Variants in TDRD1 observed in about 807,000 individuals in gnomAD.
TDRD1 encodes the protein tudor domain containing 1.
Under a neutral mutation model 140.6 loss-of-function variants are expected in TDRD1, and 37 were observed. The observed-to-expected ratio is 0.26, with a 90% CI of 0.20 to 0.35. The LOEUF is 0.35. Among genes scored for constraint, TDRD1 ranks in the 10% least tolerant of loss-of-function variants. The pLI is 1.00. For synonymous variants in TDRD1, 506 were observed against 475.7 expected (o/e 1.06, Z -0.83); for missense variants, 1,243 against 1,393.0 (o/e 0.89, Z 1.71).
chr10:114,220,671 A>G, exon 19 of TDRD1: 1 of 1,613,838 alleles, frequency 6.2e-7, no homozygotes, highest in Non-Finnish European at 8.5e-7. Flanking sequence ...AAGTCACTGA[A>G]AATGGGATAG....
intron 25 of TDRD1, among the ~76,000 whole-genome samples, chr10:114,230,859 G>A (rs755666315): frequency 6.6e-6 from 1 of 152,116 alleles, no homozygotes; most frequent in African/African-American, 2.4e-5. Flanking sequence ...AGGCCCAGGA[G>A]TTTGAGACCA....
chr10:114,192,292 C>CTTTTTTTTTTTTTTTTTTTT (rs938140798), intron 3 of TDRD1, among the ~76,000 whole-genome samples: 3 of 75,114 alleles, frequency 4.0e-5, no homozygotes, highest in Non-Finnish European at 2.5e-5. Context: ...GATAGTTTTC[C>CTTTTTTTTTTTTTTTTTTTT]TTTTTTTTTT....
At chr10:114,211,898 G>T in exon 14 of TDRD1, 1 of 1,589,276 alleles carries the variant, frequency 6.3e-7, no homozygotes, top group South Asian at 1.2e-5. Flanking sequence ...CTCTGTTTTG[G>T]CTTACGCTTC....
chr10:114,177,435 T>C (rs1364400676), upstream of TDRD1, among the ~76,000 whole-genome samples: 1 of 152,218 alleles, frequency 6.6e-6, no homozygotes, highest in Non-Finnish European at 1.5e-5. Context: ...GTGGTCTTCC[T>C]TCCAATAACC....
intron 16 of TDRD1, 69 bp from the exon 17 acceptor site, chr10:114,217,474 CTT>C: frequency 1.2e-6 from 1 of 837,296 alleles, no homozygotes; most frequent in Non-Finnish European, 1.9e-6. Flanking sequence ...CGTTTTCTGA[CTT>C]TAAAGGAAAA....
chr10:114,206,374 T>G, intron 11 of TDRD1, 44 bp downstream of exon 11: 1 of 1,517,516 alleles, frequency 6.6e-7, no homozygotes, highest in East Asian at 2.3e-5. Context: ...CTTCAGTTAT[T>G]GAAGACCATC....
chr10:114,221,529 C>T lies in TDRD1; in HGVS notation c.2890+53C>T, dbSNP rs191491048. On this transcript the variant is annotated intron_variant, in intron 20 of 25. Coordinates refer to ENST00000251864, the Ensembl canonical transcript of TDRD1. The stretch of plus-strand genomic sequence containing the variant: ...TATGCTCATCTTTTAAACTGTAAAA[C>T]GAAAGTGCTGGTCTTGAATTCCTTT... The T allele has an allele frequency of 6.3e-5, 97 of 1,545,038 alleles. No homozygotes were observed. The Admixed American group carries it at 7.2e-4, about 11-fold the overall frequency.
intron 15 of TDRD1, 76 bp downstream of exon 15, chr10:114,213,664 A>T: frequency 1.5e-6 from 2 of 1,306,556 alleles, no homozygotes; most frequent in South Asian, 2.8e-5. Context: ...TCTTGTACTT[A>T]TAAAAAGAAT....
rs138818268 is a variant in TDRD1 at position 114,187,830 on chromosome 10, C to T, written c.-2C>T. On this transcript the variant is annotated 5_prime_UTR_variant, in exon 2 of 26. Coordinates refer to ENST00000251864, the Ensembl canonical transcript of TDRD1. ...TAAATACATTTCTCTCCTTAGGCCT[C>T]GATGAGTGTTAAATCGCCATTTAAT... The T allele has an allele frequency of 1.2e-3, 1,897 of 1,567,944 alleles. 24 individuals carry two copies. In the African/African-American group the frequency reaches 0.022, roughly 18 times the overall value.
At chr10:114,175,739 A>G (rs117133334), upstream of TDRD1, among the ~76,000 whole-genome samples, 2,857 of 152,326 alleles carry the variant, frequency 0.019, 48 homozygotes, top group Non-Finnish European at 0.027. Flanking sequence ...AGGCAGTTCA[A>G]AGATGCCCCA....
chr10:114,215,933 A>G (rs1009477249), intron 16 of TDRD1, among the ~76,000 whole-genome samples: 3 of 152,176 alleles, frequency 2.0e-5, no homozygotes, highest in African/African-American at 7.2e-5. Context: ...CCTTTTCTAT[A>G]TCTATCAACA....
At chr10:114,203,451 T>C in exon 8 of TDRD1, 1 of 1,614,028 alleles carries the variant, frequency 6.2e-7, no homozygotes, top group Non-Finnish European at 8.5e-7. Context: ...TTCAGAAGTT[T>C]TAGAATACAT....
chr10:114,195,357 G>A (rs1309657229), intron 3 of TDRD1, among the ~76,000 whole-genome samples: 1 of 152,058 alleles, frequency 6.6e-6, no homozygotes. Context: ...AGCTCCTGTT[G>A]GTTGGTTATG....
At chr10:114,207,710 A>G (rs1302771916) in intron 11 of TDRD1, among the ~76,000 whole-genome samples, 2 of 152,068 alleles carry the variant, frequency 1.3e-5, no homozygotes, top group Admixed American at 6.6e-5. Context: ...TATAATGGGA[A>G]AGGTGGGAAC....
At chr10:114,184,336 A>G (rs1471414099) in intron 1 of TDRD1, among the ~76,000 whole-genome samples, 1 of 152,174 alleles carries the variant, frequency 6.6e-6, no homozygotes, top group Admixed American at 6.5e-5. Context: ...GTCTCTGCAT[A>G]GGCAAACCAG....
intron 3 of TDRD1, among the ~76,000 whole-genome samples, chr10:114,198,639 G>T (rs2034528477): frequency 6.6e-6 from 1 of 152,116 alleles, no homozygotes; most frequent in Non-Finnish European, 1.5e-5. Context: ...AGCAGAGCAG[G>T]TTTTAAATTT....
At chr10:114,228,263 T>G in intron 25 of TDRD1, 1 of 1,428,716 alleles carries the variant, frequency 7.0e-7, no homozygotes, top group Non-Finnish European at 9.2e-7. Context: ...ACCTGAGGTT[T>G]GGTCATAATG....
chr10:114,220,744 G>T lies in TDRD1; in HGVS notation c.2671G>T (p.Glu891Ter). 1 of 1,612,712 alleles carries T rather than the reference G, an allele frequency of 6.2e-7. No homozygotes were observed. The highest frequency in any genetic ancestry group is 1.1e-5 in the South Asian group (1 of 91,052). Residue 891 changes from glutamate (E) to a stop codon, truncating the protein, a stop_gained, in exon 19 of 26, where the codon GAA (glutamate) becomes TAA (stop). Transcript: ENST00000251864. LOFTEE classifies it high-confidence loss of function. ...AATAATTAGTGATGTTCTGATTGATGAACATCTGGTTTTAAAATCTGCTTC... is the reference window on the plus strand; with the variant it reads ...AATAATTAGTGATGTTCTGATTGATTAACATCTGGTTTTAAAATCTGCTTC...
At position 114,220,849 on chromosome 10, in the gene TDRD1, A is replaced by G. The variant is rs528460879; in HGVS notation, c.2770+6A>G. The stretch of plus-strand genomic sequence containing the variant: ...TCATGTACAGGGACTTCAAGGTAAC[A>G]TTTTAAAACCATTTATTTGTTTAAA... On this transcript the variant is annotated splice_donor_region_variant and intron_variant, in intron 19 of 25. Coordinates refer to ENST00000251864, the Ensembl canonical transcript of TDRD1. The G allele has an allele frequency of 1.9e-6, 3 of 1,588,840 alleles. No individual in the cohort carries two copies. Among genetic ancestry groups the G allele is most frequent in the East Asian group, 2.2e-5 (1 of 44,680 alleles).
Sources: gnomAD v4.1 joint callset for allele counts (sites outside exome capture counted in the v4.1 genomes callset) on GRCh38, gnomAD v4.1.1 for gene constraint, MANE v1.5 for transcripts, NCBI Gene and HGNC (gene_info 2026-07-23, HGNC 2026-07-21) for gene names.